The following RANBP17 variants were observed in gnomAD, a reference collection of about 807,000 sequenced individuals.
RANBP17 encodes the protein ran-binding protein 17.
Under a neutral mutation model 141.2 loss-of-function variants are expected in RANBP17, and 158 were observed. The ratio of observed to expected loss-of-function variants is 1.12; its 90% CI spans 0.98 to 1.28. The LOEUF (loss-of-function observed/expected upper bound fraction) is 1.28, where lower values mean the gene tolerates loss of function less well. Ranked by LOEUF, RANBP17 falls within the 50% of genes most tolerant of loss-of-function variation. RANBP17 has a pLI of 0.00. For missense variants in RANBP17, 1,438 were observed against 1,290.7 expected, an observed-to-expected ratio of 1.11 and a Z score of -1.75; for synonymous variants, 430 against 450.0, an observed-to-expected ratio of 0.96 and a Z score of 0.56.
chr5:171,182,293 G>A (rs1219399279), intron 16 of RANBP17, among the ~76,000 whole-genome samples: 3 of 152,064 alleles, frequency 2.0e-5, no homozygotes, highest in Non-Finnish European at 4.4e-5. Flanking sequence ...AAGAGAAGAG[G>A]GTATTTGCAT....
intron 22 of RANBP17, among the ~76,000 whole-genome samples, chr5:171,225,224 A>G (rs759250446): frequency 6.6e-6 from 1 of 152,246 alleles, no homozygotes; most frequent in Non-Finnish European, 1.5e-5. Context: ...GATATTTATG[A>G]TGAAGCACTG....
chr5:171,253,935 A>G (rs1200212393), intron 24 of RANBP17, among the ~76,000 whole-genome samples: 3 of 152,174 alleles, frequency 2.0e-5, no homozygotes, highest in Non-Finnish European at 2.9e-5. Flanking sequence ...CTTTAATTTC[A>G]TAAAATTAAA....
intron 1 of RANBP17, among the ~76,000 whole-genome samples, chr5:170,870,880 C>CTGT (rs1260018123): frequency 6.6e-6 from 1 of 152,196 alleles, no homozygotes; most frequent in Non-Finnish European, 1.5e-5. Flanking sequence ...TGGCCAGCAT[C>CTGT]TGTTGATTCT....
intron 14 of RANBP17, among the ~76,000 whole-genome samples, chr5:171,026,925 A>G (rs928371401): frequency 2.6e-5 from 4 of 152,250 alleles, no homozygotes; most frequent in African/African-American, 4.8e-5. Context: ...CGTGAGAAAC[A>G]TTACTGCCTG....
intron 25 of RANBP17, chr5:171,271,737 A>C (rs1367868476): frequency 4.7e-6 from 1 of 213,442 alleles, no homozygotes; most frequent in African/African-American, 2.3e-5. Flanking sequence ...GGATTTAAAA[A>C]GTTTAAAGGA....
intron 16 of RANBP17, among the ~76,000 whole-genome samples, chr5:171,174,790 G>GTGTA (rs1554110494): frequency 2.0e-5 from 3 of 150,074 alleles, no homozygotes; most frequent in African/African-American, 7.4e-5. Flanking sequence ...GTGTGTGTGT[G>GTGTA]TGTATTTTGA....
At chr5:171,016,066 C>T (rs964156826) in intron 14 of RANBP17, among the ~76,000 whole-genome samples, 1 of 152,080 alleles carries the variant, frequency 6.6e-6, no homozygotes. Context: ...CTCTGGATTT[C>T]GCTTTCCATC....
At chr5:171,174,035 A>G (rs898513580) in intron 16 of RANBP17, among the ~76,000 whole-genome samples, 1 of 152,114 alleles carries the variant, frequency 6.6e-6, no homozygotes, top group African/African-American at 2.4e-5. Context: ...TAACTGGATG[A>G]CTGTTGCATT....
chr5:171,217,626 G>A (rs1270162589), intron 21 of RANBP17, among the ~76,000 whole-genome samples: 1 of 152,114 alleles, frequency 6.6e-6, no homozygotes, highest in Non-Finnish European at 1.5e-5. Flanking sequence ...TCCTGGTTTA[G>A]TCTTGGGAAG....
intron 14 of RANBP17, among the ~76,000 whole-genome samples, chr5:171,075,910 GCCACT>G (rs1784890384): frequency 6.6e-6 from 1 of 152,094 alleles, no homozygotes; most frequent in African/African-American, 2.4e-5. Context: ...CCGAGATCAT[GCCACT>G]GCACTGCAGC....
intron 25 of RANBP17, among the ~76,000 whole-genome samples, chr5:171,285,237 T>C (rs1172538445): frequency 1.3e-5 from 2 of 152,244 alleles, no homozygotes; most frequent in African/African-American, 2.4e-5. Flanking sequence ...TCTTTTTAGA[T>C]AGAATCAGAG....
chr5:170,986,544 C>T (rs1191062313), intron 14 of RANBP17, among the ~76,000 whole-genome samples: 1 of 151,708 alleles, frequency 6.6e-6, no homozygotes, highest in Non-Finnish European at 1.5e-5. Flanking sequence ...ATCAAAACAT[C>T]AAATGAACCC....
At chr5:171,137,610 G>GTGTC (rs1561692578) in intron 14 of RANBP17, among the ~76,000 whole-genome samples, 2 of 122,434 alleles carry the variant, frequency 1.6e-5, no homozygotes, top group African/African-American at 2.7e-5. Context: ...GTGTGTCTGT[G>GTGTC]TGTGTGTGTG....
chr5:170,983,627 A>T (rs1007311877), intron 14 of RANBP17, among the ~76,000 whole-genome samples: 1 of 152,220 alleles, frequency 6.6e-6, no homozygotes, highest in Non-Finnish European at 1.5e-5. Flanking sequence ...TGACTTGAGT[A>T]TTGGAATCAG....
chr5:171,183,274 G>A, intron 17 of RANBP17, 44 bp downstream of exon 17: 1 of 1,570,028 alleles, frequency 6.4e-7, no homozygotes, highest in Non-Finnish European at 8.8e-7. Context: ...TTTACGAATA[G>A]TTGAGGTAAA....
At chr5:171,174,210 T>TATATGTTTATAAAGAGTA (rs1561731412) in intron 16 of RANBP17, among the ~76,000 whole-genome samples, 1 of 152,182 alleles carries the variant, frequency 6.6e-6, no homozygotes, top group South Asian at 2.1e-4. Flanking sequence ...AGTAACTGTT[T>TATATGTTTATAAAGAGTA]AACATACTCT....
intron 14 of RANBP17, among the ~76,000 whole-genome samples, chr5:171,144,920 G>A (rs1046533335): frequency 8.5e-5 from 13 of 152,310 alleles, no homozygotes; most frequent in Non-Finnish European, 1.2e-4. Flanking sequence ...TCTCGCTTGT[G>A]ATGGATTTTG....
At chr5:171,078,382 C>T (rs1785068122) in intron 14 of RANBP17, among the ~76,000 whole-genome samples, 1 of 152,136 alleles carries the variant, frequency 6.6e-6, no homozygotes, top group African/African-American at 2.4e-5. Flanking sequence ...TCTCAAACTC[C>T]TGACATCAAG....
At chr5:171,284,966 A>G (rs914845960) in intron 25 of RANBP17, among the ~76,000 whole-genome samples, 1 of 148,266 alleles carries the variant, frequency 6.7e-6, no homozygotes. Context: ...TATATTCAGC[A>G]TGGCATAAAA....
Sources: allele counts gnomAD v4.1 joint callset (sites outside exome capture counted in the v4.1 genomes callset), GRCh38; gene constraint gnomAD v4.1.1; transcripts MANE v1.5; gene names NCBI Gene and HGNC (gene_info 2026-07-23, HGNC 2026-07-21).